SREK1: variants seen among roughly 807,000 people sequenced by gnomAD.
SREK1 encodes splicing regulatory glutamic acid and lysine rich protein 1, also known as splicing regulatory glutamine/lysine-rich protein 1.
In SREK1, 13 loss-of-function variants were observed where a neutral mutation model predicts 66.5. That is an observed-to-expected ratio of 0.20 (90% CI 0.13 to 0.31). SREK1 has a LOEUF of 0.31. SREK1 is among the 10% of genes least tolerant of loss of function. The probability of loss-of-function intolerance (pLI) is 1.00; values close to 1 mark genes in which losing one functional copy is unlikely to be tolerated. For synonymous variants in SREK1, 265 were observed against 263.5 expected (o/e 1.01, Z -0.05); for missense variants, 607 against 769.6 (o/e 0.79, Z 2.50).
rs1561523279 is a variant in SREK1, at chr5:66,180,338, TTAAGTA to T, written c.*1474_*1479del. On this transcript the variant is annotated 3_prime_UTR_variant, in exon 12 of 12. Transcript: ENST00000334121. ...TACCTTTTAATTAGTGTATTAAAAGTTAAGTATAATTATTTTAATGCAATCTAATAC... is the reference window on the plus strand; with the variant it reads ...TACCTTTTAATTAGTGTATTAAAAGTTAATTATTTTAATGCAATCTAATAC... 2 of 152,552 alleles carry T rather than the reference TTAAGTA, an allele frequency of 1.3e-5. No individual in the cohort carries two copies. The highest frequency in any genetic ancestry group is 4.8e-5 in the African/African-American group (2 of 41,424). 9.4% of individuals were successfully genotyped at this position (152,552 alleles called of 1,614,324 possible).
chr5:66,174,469 T>C (rs1410659849), intron 9 of SREK1, among the ~76,000 whole-genome samples: 1 of 152,128 alleles, frequency 6.6e-6, no homozygotes, highest in Non-Finnish European at 1.5e-5. Context: ...TAATTGGGTA[T>C]AGAAAGTTCA....
chr5:66,158,752 GA>G, intron 2 of SREK1: 1 of 1,237,370 alleles, frequency 8.1e-7, no homozygotes, highest in Non-Finnish European at 1.0e-6. Flanking sequence ...CATTTCTGGG[GA>G]TTAAACTTTA....
chr5:66,159,844 ATTAC>A (rs1449207288), intron 3 of SREK1, among the ~76,000 whole-genome samples: 1 of 152,224 alleles, frequency 6.6e-6, no homozygotes, highest in African/African-American at 2.4e-5. Context: ...AAAAAAGGAT[ATTAC>A]GGCCAGGCGC....
Position 66,144,361 on chromosome 5 carries a change from C to G in SREK1, c.-16C>G. On this transcript the variant is annotated 5_prime_UTR_variant, in exon 1 of 12. Transcript: ENST00000334121. ...TAGACGTTGGGGAGCGGGAAGGCAACGGCAGCGGGATCGGGATGAACAGCG... is the reference window on the plus strand; with the variant it reads ...TAGACGTTGGGGAGCGGGAAGGCAAGGGCAGCGGGATCGGGATGAACAGCG... 5 of 1,528,168 alleles carry G rather than the reference C, an allele frequency of 3.3e-6. No individual in the cohort carries two copies. Among genetic ancestry groups the G allele is most frequent in the South Asian group, 1.2e-5 (1 of 83,246 alleles). 94.7% of individuals were successfully genotyped at this position (1,528,168 alleles called of 1,614,324 possible).
chr5:66,177,114 T>C lies in SREK1; in HGVS notation c.1581-400T>C, dbSNP rs144140264. Among the ~76,000 whole-genome samples, 5 of 152,294 alleles carry C rather than the reference T, an allele frequency of 3.3e-5. No homozygotes were observed. In the East Asian group the frequency reaches 9.6e-4, roughly 29 times the overall value. On this transcript the variant is annotated intron_variant, in intron 10 of 11. Transcript: ENST00000334121. ...CCATCTGCCTTGTTCCCATTCACCC[T>C]GTGTAATTGACCAATCATTTGATTG...
At chr5:66,149,085 G>A (rs1743526165) in intron 1 of SREK1, among the ~76,000 whole-genome samples, 1 of 152,238 alleles carries the variant, frequency 6.6e-6, no homozygotes. Context: ...CGGGTGCAGT[G>A]GCCCACGCCT....
intron 1 of SREK1, among the ~76,000 whole-genome samples, chr5:66,147,774 A>T (rs984747236): frequency 6.6e-6 from 1 of 152,214 alleles, no homozygotes; most frequent in Non-Finnish European, 1.5e-5. Flanking sequence ...ATTTCCCTGT[A>T]GTCCTTTTCA....
intron 2 of SREK1, among the ~76,000 whole-genome samples, chr5:66,155,520 GAAAT>G (rs1180389736): frequency 6.6e-6 from 1 of 152,204 alleles, no homozygotes; most frequent in African/African-American, 2.4e-5. Context: ...GAGTGAGTGT[GAAAT>G]AACCAAAGAA....
At chr5:66,175,117 T>TC (rs1745953870) in intron 10 of SREK1, 76 bp downstream of exon 10, 1 of 1,208,340 alleles carries the variant, frequency 8.3e-7, no homozygotes, top group Non-Finnish European at 1.1e-6. Context: ...TTTCTCTCTT[T>TC]ATTTTTTAAA....
At chr5:66,163,532 C>A (rs27588) in intron 5 of SREK1, 83,629 of 292,692 alleles carry the variant, frequency 0.29, 14,237 homozygotes, top group African/African-American at 0.51. Context: ...AAAAGCACTT[C>A]ATCTAGTCTG....
At chr5:66,175,118 A>T (rs945034820) in intron 10 of SREK1, 77 bp downstream of exon 10, 1 of 1,203,260 alleles carries the variant, frequency 8.3e-7, no homozygotes, top group Non-Finnish European at 1.2e-6. Context: ...TTCTCTCTTT[A>T]TTTTTTAAAC....
chr5:66,149,493 C>T (rs1254052375), intron 1 of SREK1, among the ~76,000 whole-genome samples: 1 of 152,182 alleles, frequency 6.6e-6, no homozygotes, highest in Non-Finnish European at 1.5e-5. Context: ...ATGTTGGTGG[C>T]ATGTCTTCAG....
rs550404231 is a variant in SREK1 at position 66,179,912 on chromosome 5, G to C, written c.*1044G>C. ...GCTTCTTACTGATTTCACCTAAAAT[G>C]AGAAGGAAGTCCTGTTTTCAAGAAT... On this transcript the variant is annotated 3_prime_UTR_variant, in exon 12 of 12. Coordinates refer to ENST00000334121, the MANE Select transcript of SREK1 (RefSeq NM_001077199.3). The C allele has an allele frequency of 6.6e-6, 1 of 152,668 alleles. No individual in the cohort carries two copies. The highest frequency in any genetic ancestry group is 1.9e-4 in the East Asian group (1 of 5,184). The allele number at this position is 152,668 out of a possible 1,614,324, so 9.5% of individuals were successfully genotyped here.
intron 2 of SREK1, chr5:66,156,577 A>G (rs1034792495): frequency 1.7e-5 from 17 of 985,396 alleles, no homozygotes; most frequent in African/African-American, 1.7e-5. Context: ...ACATTTTTCT[A>G]GTTTTTTTCC....
chr5:66,156,943 A>G (rs1460558695), intron 2 of SREK1: 6 of 984,970 alleles, frequency 6.1e-6, no homozygotes, highest in African/African-American at 1.7e-5. Context: ...GACTTTGAGG[A>G]GTATAGTTTG....
In SREK1 at chr5:66,150,951, G is replaced by T. The variant is rs147847948; in HGVS notation, c.162-2512G>T. 2.1e-3 allele frequency among the ~76,000 whole-genome samples: 322 copies of T among 151,760 alleles called. 8 individuals carry two copies. The East Asian group carries it at 0.054, about 25-fold the overall frequency. ...TGCCTCCCGGGTTCAAGCAATTCTTGTGCCTCAGCCTCCCAAGTAGCTGGG... is the reference window on the plus strand; with the variant it reads ...TGCCTCCCGGGTTCAAGCAATTCTTTTGCCTCAGCCTCCCAAGTAGCTGGG... On this transcript the variant is annotated intron_variant, in intron 1 of 11. Coordinates refer to ENST00000334121, the MANE Select transcript of SREK1 (RefSeq NM_001077199.3).
chr5:66,181,551 C>CT lies in SREK1; in HGVS notation c.*2685dup, dbSNP rs1368762122. ...AGCTTGATTACATAGAGTACCCTCT[C>CT]TTCCTTAAGTTGTAGTTGCTATTTA... On this transcript the variant is annotated 3_prime_UTR_variant, in exon 12 of 12. Coordinates refer to ENST00000334121, the MANE Select transcript of SREK1 (RefSeq NM_001077199.3). The CT allele has an allele frequency of 1.3e-5, 2 of 152,146 alleles. No homozygotes were observed. Among genetic ancestry groups the CT allele is most frequent in the Non-Finnish European group, 2.9e-5 (2 of 68,026 alleles). The allele number at this position is 152,146 out of a possible 1,614,324, so 9.4% of individuals were successfully genotyped here. A position where few individuals can be genotyped will look rare whatever the true frequency, so the allele number is the denominator to read the frequency against.
intron 2 of SREK1, 86 bp downstream of exon 2, chr5:66,153,682 CAG>C: frequency 1.3e-6 from 2 of 1,547,732 alleles, no homozygotes; most frequent in Non-Finnish European, 1.8e-6. Flanking sequence ...GGCAAGTAGA[CAG>C]TACTCTTGGT....
At chr5:66,146,356 T>G (rs1202868464) in intron 1 of SREK1, among the ~76,000 whole-genome samples, 1 of 152,226 alleles carries the variant, frequency 6.6e-6, no homozygotes. Flanking sequence ...AATATTTATT[T>G]GGTTGAAACC....
Sources: allele counts gnomAD v4.1 joint callset (sites outside exome capture counted in the v4.1 genomes callset), GRCh38; gene constraint gnomAD v4.1.1; transcripts MANE v1.5; gene names NCBI Gene and HGNC (gene_info 2026-07-23, HGNC 2026-07-21).